The following PCDHGB5 variants were observed in gnomAD, a reference collection of about 807,000 sequenced individuals.
The protein encoded by PCDHGB5 is protocadherin gamma-B5.
A neutral mutation model predicts 62.9 loss-of-function variants in PCDHGB5; 48 were observed. That is an observed-to-expected ratio of 0.76 (90% CI 0.61 to 0.97). The LOEUF is 0.97. Among genes scored for constraint, PCDHGB5 ranks in the 50% least tolerant of loss-of-function variants. The pLI is 0.00. For missense variants in PCDHGB5, 1,118 were observed against 1,198.6 expected, an observed-to-expected ratio of 0.93 and a Z score of 0.99; for synonymous variants, 474 against 511.2, an observed-to-expected ratio of 0.93 and a Z score of 0.98.
chr5:141,460,951 G>GTA (rs200454978), intron 1 of PCDHGB5, among the ~76,000 whole-genome samples: 2,366 of 139,742 alleles, frequency 0.017, 20 homozygotes, highest in Middle Eastern at 0.037. Flanking sequence ...TATGTATTAT[G>GTA]TATATATATA....
intron 1 of PCDHGB5, among the ~76,000 whole-genome samples, chr5:141,475,339 T>C (rs1295364417): frequency 1.3e-5 from 2 of 152,188 alleles, no homozygotes; most frequent in Non-Finnish European, 2.9e-5. Flanking sequence ...AACAATGACA[T>C]CCAGTTTTAA....
Position 141,489,640 on chromosome 5 carries a change from G to A in PCDHGB5, c.2398-5167G>A. The A allele has an allele frequency of 1.2e-6, 2 of 1,614,146 alleles. No individual in the cohort carries two copies. Among genetic ancestry groups the A allele is most frequent in the Non-Finnish European group, 1.7e-6 (2 of 1,180,010 alleles). Reference sequence around the variant, plus strand: ...TCTCAATGACAACTCTCCTAGCTTTGCCACCCCTGAGCGAGAGATGCGCAT... The same window carrying A: ...TCTCAATGACAACTCTCCTAGCTTTACCACCCCTGAGCGAGAGATGCGCAT... On this transcript the variant is annotated intron_variant, in intron 1 of 3. Transcript: ENST00000617380. The surrounding 1 kb of genome is among the most constrained non-coding windows in gnomAD (Gnocchi z 4.5).
chr5:141,430,914 T>G (rs750607631), intron 1 of PCDHGB5: 1 of 1,607,676 alleles, frequency 6.2e-7, no homozygotes, highest in Non-Finnish European at 8.5e-7. Context: ...TCCAGGGACC[T>G]GGGGCTGGAG....
At chr5:141,418,489 G>C (rs774653264) in intron 1 of PCDHGB5, 26 of 1,613,874 alleles carry the variant, frequency 1.6e-5, no homozygotes, top group Admixed American at 1.5e-4. Context: ...CTCACCACTT[G>C]GTACTGACCG....
At chr5:141,445,339 A>G (rs1450773291) in intron 1 of PCDHGB5, among the ~76,000 whole-genome samples, 1 of 152,152 alleles carries the variant, frequency 6.6e-6, no homozygotes, top group Non-Finnish European at 1.5e-5. Context: ...GAAACAGTAA[A>G]CATTGGTGTC....
rs778271895 is a variant in PCDHGB5 at position 141,404,140 on chromosome 5, T to C, written c.2397+3616T>C. ...AGAATCTATCTTTTACATTAGAAAA[T>C]TCAGAAGAAGATTATTACAGATTGT... On this transcript the variant is annotated intron_variant, in intron 1 of 3. Coordinates refer to ENST00000617380, the MANE Select transcript of PCDHGB5 (RefSeq NM_018925.3). The C allele has an allele frequency of 8.1e-6, 13 of 1,612,934 alleles. No homozygotes were observed. The South Asian group carries it at 1.3e-4, about 16-fold the overall frequency.
chr5:141,490,184 TC>T lies in PCDHGB5; in HGVS notation c.2398-4622del, dbSNP rs1293752541. The T allele has an allele frequency of 1.2e-6, 2 of 1,614,196 alleles. No individual in the cohort carries two copies. The highest frequency in any genetic ancestry group is 1.7e-6 in the Non-Finnish European group (2 of 1,180,030). On this transcript the variant is annotated intron_variant, in intron 1 of 3. Coordinates refer to ENST00000617380, the MANE Select transcript of PCDHGB5 (RefSeq NM_018925.3). This position sits in a 1 kb window ranked among gnomAD's most constrained non-coding sequence, Gnocchi z 5.4. The stretch of plus-strand genomic sequence containing the variant: ...CCCATAGACTTTGAGGAGTCACGTT[TC>T]TATGAAATTCATGCAAGAGCCCGTG...
intron 1 of PCDHGB5, among the ~76,000 whole-genome samples, chr5:141,434,609 G>T (rs189866750): frequency 1.3e-5 from 2 of 151,946 alleles, no homozygotes; most frequent in Non-Finnish European, 2.9e-5. Flanking sequence ...CTTTATTTCC[G>T]CCCATCTCTT....
chr5:141,421,420 G>C, intron 1 of PCDHGB5: 1 of 1,614,084 alleles, frequency 6.2e-7, no homozygotes, highest in Non-Finnish European at 8.5e-7. Context: ...GAAGCGCGGA[G>C]TCCGCATCGT....
At chr5:141,453,101 TTTTTGTTTTG>T (rs879618609) in intron 1 of PCDHGB5, among the ~76,000 whole-genome samples, 16 of 152,130 alleles carry the variant, frequency 1.1e-4, no homozygotes, top group Middle Eastern at 3.4e-3. Flanking sequence ...TTCTGTTGCT[TTTTTGTTTTG>T]TTTTGTTTTG....
chr5:141,444,008 A>G (rs2098413646), intron 1 of PCDHGB5, among the ~76,000 whole-genome samples: 2 of 152,140 alleles, frequency 1.3e-5, no homozygotes, highest in Non-Finnish European at 2.9e-5. Context: ...CTACCTGGGT[A>G]TTGGCTTCTA....
chr5:141,420,246 T>C (rs1216078492), intron 1 of PCDHGB5: 3 of 1,583,234 alleles, frequency 1.9e-6, no homozygotes, highest in African/African-American at 2.7e-5. Context: ...ACTCCCAGCG[T>C]TGAAGCAGAT....
At chr5:141,506,103 C>T (rs1001709380) in intron 3 of PCDHGB5, among the ~76,000 whole-genome samples, 2 of 152,144 alleles carry the variant, frequency 1.3e-5, no homozygotes, top group Admixed American at 1.3e-4. Context: ...GTGGTTGTCC[C>T]TGAAGAGTCA....
intron 1 of PCDHGB5, chr5:141,409,714 CG>C: frequency 6.2e-7 from 1 of 1,613,226 alleles, no homozygotes; most frequent in Non-Finnish European, 8.5e-7. Flanking sequence ...TGTCGTCATA[CG>C]TGTCAGTGAG....
intron 1 of PCDHGB5, among the ~76,000 whole-genome samples, chr5:141,466,292 T>C (rs1050311680): frequency 3.3e-5 from 5 of 152,134 alleles, no homozygotes; most frequent in Non-Finnish European, 5.9e-5. Context: ...CACCTCAGGC[T>C]CCCAAGTAGC....
rs372656276 is a variant in PCDHGB5, at chr5:141,415,107, A to G, written c.2397+14583A>G. ...TGCTGGACAGAGACGCGCTCAAGCA[A>G]AGCCTCGTAGTGGCCGTCCAGGACC... is the stretch of plus-strand genomic sequence containing the variant. On this transcript the variant is annotated intron_variant, in intron 1 of 3. Transcript: ENST00000617380. 1,052 of 1,613,570 alleles carry G rather than the reference A, an allele frequency of 6.5e-4. 7 individuals carry two copies. The African/African-American group carries it at 8.4e-3, about 13-fold the overall frequency.
Position 141,512,171 on chromosome 5 carries a change from T to C in PCDHGB5, c.*998T>C, listed in dbSNP as rs140884268. ...GGGCTGAGCTAACAGGACCAATGGA[T>C]TAAACTGGCATTTCAGTCCAAGGAA... On this transcript the variant is annotated 3_prime_UTR_variant, in exon 4 of 4. Transcript: ENST00000617380. 584 of 152,796 alleles carry C rather than the reference T, an allele frequency of 3.8e-3. 5 individuals carry two copies. The highest frequency in any genetic ancestry group is 0.011 in the Admixed American group (167 of 15,298). The allele number at this position is 152,796 out of a possible 1,614,324, so 9.5% of individuals were successfully genotyped here. A position where few individuals can be genotyped will look rare whatever the true frequency, so the allele number is the denominator to read the frequency against.
At chr5:141,443,538 G>A (rs768723399) in intron 1 of PCDHGB5, among the ~76,000 whole-genome samples, 2 of 152,118 alleles carry the variant, frequency 1.3e-5, no homozygotes, top group African/African-American at 4.8e-5. Flanking sequence ...TTTAAAGCTT[G>A]GGAAATTGTT....
At chr5:141,404,600 CTG>C (rs2094545529) in intron 1 of PCDHGB5, 2 of 1,613,938 alleles carry the variant, frequency 1.2e-6, no homozygotes, top group Non-Finnish European at 1.7e-6. Context: ...GTCATTGAGA[CTG>C]TTTGTTTTGG....
Sources: allele counts gnomAD v4.1 joint callset (sites outside exome capture counted in the v4.1 genomes callset), GRCh38; gene constraint gnomAD v4.1.1; non-coding constraint Gnocchi (gnomAD v3.1); transcripts MANE v1.5; gene names NCBI Gene and HGNC (gene_info 2026-07-23, HGNC 2026-07-21).